The following MAP2K6 variants were observed in gnomAD, a reference collection of about 807,000 sequenced individuals.
The protein encoded by MAP2K6 is mitogen-activated protein kinase kinase 6.
In MAP2K6, 16 loss-of-function variants were observed where a neutral mutation model predicts 53.7. That is an observed-to-expected ratio of 0.30 (90% CI 0.20 to 0.45). The LOEUF is 0.45. Among genes scored for constraint, MAP2K6 ranks in the 20% least tolerant of loss-of-function variants. The probability of loss-of-function intolerance (pLI) is 1.00; values close to 1 mark genes in which losing one functional copy is unlikely to be tolerated. For synonymous variants in MAP2K6, 132 were observed against 143.1 expected (o/e 0.92, Z 0.55); for missense variants, 204 against 411.9 (o/e 0.50, Z 4.37).
At chr17:69,462,445 G>A (rs1907652187) in intron 1 of MAP2K6, among the ~76,000 whole-genome samples, 1 of 152,026 alleles carries the variant, frequency 6.6e-6, no homozygotes. Flanking sequence ...CCATGACAAA[G>A]ATGGTTTTTC....
chr17:69,422,873 TTTTG>T lies in MAP2K6; in HGVS notation c.16+7898_16+7901del, dbSNP rs542012010. Among the ~76,000 whole-genome samples, 394 of 152,040 alleles carry T rather than the reference TTTTG, an allele frequency of 2.6e-3. 2 individuals carry two copies. Among genetic ancestry groups the T allele is most frequent in the African/African-American group, 5.7e-3 (236 of 41,458 alleles). The stretch of plus-strand genomic sequence containing the variant: ...GGCCAAATCTAGCTTCAGCTGTTGT[TTTTG>T]TTTGTTTGTTTGTTTGTTTGTTTGA... On this transcript the variant is annotated intron_variant, in intron 1 of 11. Coordinates refer to ENST00000590474, the MANE Select transcript of MAP2K6 (RefSeq NM_002758.4).
At chr17:69,492,909 GAA>G (rs1908804349) in intron 1 of MAP2K6, among the ~76,000 whole-genome samples, 1 of 152,186 alleles carries the variant, frequency 6.6e-6, no homozygotes, top group Non-Finnish European at 1.5e-5. Context: ...TCAGTAAAAT[GAA>G]AAGAGTGATA....
At chr17:69,487,414 C>T (rs545085372) in intron 1 of MAP2K6, among the ~76,000 whole-genome samples, 12 of 152,268 alleles carry the variant, frequency 7.9e-5, no homozygotes, top group Admixed American at 1.3e-4. Context: ...GTAACACATA[C>T]GCAATAAATT....
At chr17:69,464,715 T>C (rs1400618879) in intron 1 of MAP2K6, among the ~76,000 whole-genome samples, 1 of 152,054 alleles carries the variant, frequency 6.6e-6, no homozygotes, top group Non-Finnish European at 1.5e-5. Flanking sequence ...TGATAGATTA[T>C]GTACTTATTT....
chr17:69,519,294 T>C lies in MAP2K6; in HGVS notation c.247-19T>C. ...TCCTCAGAGTAGTAACCATAAATTT[T>C]CCATGCATTTCCATTCAGCGGATCC... On this transcript the variant is annotated intron_variant, in intron 4 of 11. Coordinates refer to ENST00000590474, the MANE Select transcript of MAP2K6 (RefSeq NM_002758.4). The C allele has an allele frequency of 6.2e-7, 1 of 1,610,816 alleles. No individual in the cohort carries two copies. The highest frequency in any genetic ancestry group is 8.5e-7 in the Non-Finnish European group (1 of 1,178,506).
In MAP2K6 at chr17:69,525,465, G is replaced by T. The variant is rs552516913; in HGVS notation, c.741+487G>T. Among the ~76,000 whole-genome samples the T allele has an allele frequency of 6.6e-5, 10 of 152,196 alleles. No individual in the cohort carries two copies. In the East Asian group the frequency reaches 1.7e-3, roughly 26 times the overall value. On this transcript the variant is annotated intron_variant, in intron 9 of 11. Coordinates refer to ENST00000590474, the MANE Select transcript of MAP2K6 (RefSeq NM_002758.4). ...TCTGATCAGGTCAGTGTATTAGTTC[G>T]TTTTCACACTGCTGATAAAAGCATC...
In MAP2K6 at chr17:69,516,841, C is replaced by A; in HGVS notation, c.84-14C>A. Reference sequence around the variant, plus strand: ...ATAGCTTATGTTTCTTCTTTTCCCCCTTATCTTTCTTAGACCACCTCGAGA... The same window carrying A: ...ATAGCTTATGTTTCTTCTTTTCCCCATTATCTTTCTTAGACCACCTCGAGA... On this transcript the variant is annotated splice_polypyrimidine_tract_variant and intron_variant, in intron 2 of 11. Transcript: ENST00000590474. 6.3e-7 allele frequency: 1 copy of A among 1,577,910 alleles called. No individual in the cohort carries two copies. Among genetic ancestry groups the A allele is most frequent in the Non-Finnish European group, 8.7e-7 (1 of 1,149,756 alleles).
At chr17:69,513,393 G>A (rs1475787844) in intron 2 of MAP2K6, among the ~76,000 whole-genome samples, 1 of 152,158 alleles carries the variant, frequency 6.6e-6, no homozygotes, top group African/African-American at 2.4e-5. Flanking sequence ...TCAAGGCTGA[G>A]ATTCGGGTGA....
chr17:69,467,609 C>T (rs756472557), intron 1 of MAP2K6, among the ~76,000 whole-genome samples: 1 of 152,126 alleles, frequency 6.6e-6, no homozygotes, highest in Non-Finnish European at 1.5e-5. Context: ...TTTTAGACTT[C>T]TTGGTGAGAC....
intron 1 of MAP2K6, among the ~76,000 whole-genome samples, chr17:69,443,552 A>C (rs926962326): frequency 1.3e-5 from 2 of 152,230 alleles, no homozygotes; most frequent in Non-Finnish European, 2.9e-5. Context: ...GTAGTTACTG[A>C]AGAAAGAAAG....
chr17:69,474,836 C>G (rs1908089585), intron 1 of MAP2K6, among the ~76,000 whole-genome samples: 1 of 152,222 alleles, frequency 6.6e-6, no homozygotes, highest in African/African-American at 2.4e-5. Flanking sequence ...GTTTGCACTT[C>G]TGTTTCCTTT....
At chr17:69,475,627 T>C (rs750254796) in intron 1 of MAP2K6, among the ~76,000 whole-genome samples, 4 of 152,312 alleles carry the variant, frequency 2.6e-5, no homozygotes, top group African/African-American at 4.8e-5. Context: ...CCACTCTGGA[T>C]TGTAGGTTAA....
At chr17:69,461,225 G>T (rs1398850435) in intron 1 of MAP2K6, among the ~76,000 whole-genome samples, 1 of 152,170 alleles carries the variant, frequency 6.6e-6, no homozygotes, top group Admixed American at 6.5e-5. Context: ...ATGATTGAAA[G>T]AAAACTCTCA....
At chr17:69,424,417 T>C (rs979590574) in intron 1 of MAP2K6, among the ~76,000 whole-genome samples, 60 of 152,332 alleles carry the variant, frequency 3.9e-4, no homozygotes, top group Admixed American at 3.7e-3. Flanking sequence ...GATACTGTGC[T>C]TAGTGATGAA....
intron 1 of MAP2K6, among the ~76,000 whole-genome samples, chr17:69,503,409 A>C (rs182692687): frequency 1.5e-3 from 222 of 152,336 alleles, no homozygotes; most frequent in Non-Finnish European, 2.7e-3. Flanking sequence ...TCAATAACTG[A>C]CTAATTTAGT....
At position 69,550,661 on chromosome 17, in the gene MAP2K6, C is replaced by A. The variant is rs1053946644; in HGVS notation, c.*8908C>A. 39 of 152,164 alleles carry A rather than the reference C, an allele frequency of 2.6e-4. No homozygotes were observed. The highest frequency in any genetic ancestry group is 8.9e-4 in the African/African-American group (37 of 41,520). The allele number at this position is 152,164 out of a possible 1,614,324, so 9.4% of individuals were successfully genotyped here. On this transcript the variant is annotated 3_prime_UTR_variant, in exon 12 of 12. Coordinates refer to ENST00000590474, the MANE Select transcript of MAP2K6 (RefSeq NM_002758.4). ...CGAGGTACAGCTGTGGTTTTCAGAC[C>A]ATATTCAGTGGTGCCCCTGAGGGTC...
rs182187633 is a variant in MAP2K6, at chr17:69,519,289, A to C, written c.247-24A>C. 537 of 1,610,014 alleles carry C rather than the reference A, an allele frequency of 3.3e-4. 1 individual carries two copies. The African/African-American group carries it at 6.4e-3, about 19-fold the overall frequency. On this transcript the variant is annotated intron_variant, in intron 4 of 11. Coordinates refer to ENST00000590474, the MANE Select transcript of MAP2K6 (RefSeq NM_002758.4). ...CCTCATCCTCAGAGTAGTAACCATA[A>C]ATTTTCCATGCATTTCCATTCAGCG...
Position 69,545,151 on chromosome 17 carries a change from C to T in MAP2K6, c.*3398C>T, listed in dbSNP as rs186730377. The T allele has an allele frequency of 1.3e-5, 2 of 151,912 alleles. No homozygotes were observed. Among genetic ancestry groups the T allele is most frequent in the Non-Finnish European group, 2.9e-5 (2 of 68,000 alleles). 9.4% of individuals were successfully genotyped at this position (151,912 alleles called of 1,614,324 possible). A position where few individuals can be genotyped will look rare whatever the true frequency, so the allele number is the denominator to read the frequency against. On this transcript the variant is annotated 3_prime_UTR_variant, in exon 12 of 12. Coordinates refer to ENST00000590474, the MANE Select transcript of MAP2K6 (RefSeq NM_002758.4). ...TAATTTCAAATGAAGATTTCCACAC[C>T]CCGCCCCCACCACCCCTGCCCAAAG... is the stretch of plus-strand genomic sequence containing the variant.
intron 9 of MAP2K6, among the ~76,000 whole-genome samples, chr17:69,525,286 T>G (rs149865837): frequency 6.6e-6 from 1 of 152,142 alleles, no homozygotes; most frequent in African/African-American, 2.4e-5. Context: ...TCTGACCAGA[T>G]TCCTTATAGT....
Sources: gnomAD v4.1 joint callset for allele counts (sites outside exome capture counted in the v4.1 genomes callset) on GRCh38, gnomAD v4.1.1 for gene constraint, MANE v1.5 for transcripts, NCBI Gene and HGNC (gene_info 2026-07-23, HGNC 2026-07-21) for gene names.